ZNF347: variants seen among roughly 807,000 people sequenced by gnomAD.
ZNF347 encodes CTD-2620I22.7.
Under a neutral mutation model 12.9 loss-of-function variants are expected in ZNF347, and 19 were observed. The observed-to-expected ratio is 1.47, with a 90% confidence interval of 1.03 to 2.16. ZNF347 has a LOEUF of 2.16. Among genes scored for constraint, ZNF347 ranks in the 30% most tolerant of loss-of-function variants. ZNF347 has a pLI of 0.00. For missense variants in ZNF347, 1,005 were observed against 990.6 expected (o/e 1.01, Z -0.19); for synonymous variants, 328 against 340.6 (o/e 0.96, Z 0.41).
rs1406905883 is a variant in ZNF347, at chr19:53,136,126, G to C, written c.*4182C>G. ...GATGCTGGTTAACCTCCACACGCTT[G>C]ATTTTCAAGCATCTGATCTTTGATA... On this transcript the variant is annotated 3_prime_UTR_variant, in exon 5 of 5. Coordinates refer to ENST00000334197, the MANE Select transcript of ZNF347 (RefSeq NM_032584.3). 2 of 150,862 alleles carry C rather than the reference G, an allele frequency of 1.3e-5. No homozygotes were observed. Among genetic ancestry groups the C allele is most frequent in the South Asian group, 2.1e-4 (1 of 4,748 alleles). 9.3% of individuals were successfully genotyped at this position (150,862 alleles called of 1,614,324 possible). A position where few individuals can be genotyped will look rare whatever the true frequency, so the allele number is the denominator to read the frequency against.
intron 4 of ZNF347, among the ~76,000 whole-genome samples, chr19:53,147,697 A>G (rs1007468642): frequency 2.6e-5 from 4 of 152,128 alleles, no homozygotes; most frequent in African/African-American, 9.7e-5. Context: ...CCTGATACCA[A>G]AAAGCAGACA....
At chr19:53,158,259 A>G (rs1046086625) in intron 1 of ZNF347, among the ~76,000 whole-genome samples, 7 of 151,880 alleles carry the variant, frequency 4.6e-5, no homozygotes, top group Non-Finnish European at 7.4e-5. Context: ...CGGCACGAGG[A>G]GGAGGGAGGT....
At chr19:53,147,752 G>A (rs1374180869) in intron 4 of ZNF347, among the ~76,000 whole-genome samples, 1 of 152,014 alleles carries the variant, frequency 6.6e-6, no homozygotes, top group Non-Finnish European at 1.5e-5. Flanking sequence ...TACCCCTGAT[G>A]AATATACATG....
rs767414767 is a variant in ZNF347, at chr19:53,140,397, T to C, written c.2431A>G (p.Ile811Val). The stretch of plus-strand genomic sequence containing the variant: ...TTGTAAGGTTTCCCACCAGTATGGA[T>C]TGTCTGATGGGTAGTTAGGCTTGAA... ...ICSSLTTHQT[I>V]HTGGKPYKCN... The change falls in exon 5 of 5, where the codon ATC becomes GTC. Residue 811 changes from isoleucine (I) to valine (V), a missense_variant. Coordinates refer to ENST00000334197, the MANE Select transcript of ZNF347 (RefSeq NM_032584.3). 1.9e-6 allele frequency: 3 copies of C among 1,612,972 alleles called. No individual in the cohort carries two copies. Among genetic ancestry groups the C allele is most frequent in the South Asian group, 2.2e-5 (2 of 90,948 alleles).
intron 1 of ZNF347, among the ~76,000 whole-genome samples, chr19:53,155,294 C>CTGTGTG (rs61275588): frequency 0.043 from 6,069 of 141,778 alleles, 139 homozygotes; most frequent in African/African-American, 0.076. Context: ...AGACTTTATT[C>CTGTGTG]TGTGTGTGTG....
intron 4 of ZNF347, among the ~76,000 whole-genome samples, chr19:53,145,163 C>T (rs550340856): frequency 7.9e-5 from 12 of 151,748 alleles, no homozygotes; most frequent in East Asian, 2.0e-4. Flanking sequence ...TGGTGGCACA[C>T]GCCTATAATC....
chr19:53,145,881 A>G (rs2090459537), intron 4 of ZNF347, among the ~76,000 whole-genome samples: 1 of 152,162 alleles, frequency 6.6e-6, no homozygotes, highest in African/African-American at 2.4e-5. Context: ...CAAAAGTAGT[A>G]GAGGGAAAGG....
chr19:53,139,415 C>T lies in ZNF347; in HGVS notation c.*893G>A, dbSNP rs1420658253. ...ACTGTGGTTCTTTCCCAGATAGGCA[C>T]CACGAAAGGTGCTTAAGGATGCAAA... On this transcript the variant is annotated 3_prime_UTR_variant, in exon 5 of 5. Coordinates refer to ENST00000334197, the MANE Select transcript of ZNF347 (RefSeq NM_032584.3). 6.6e-6 allele frequency: 1 copy of T among 152,114 alleles called. No individual in the cohort carries two copies. Among genetic ancestry groups the T allele is most frequent in the Non-Finnish European group, 1.5e-5 (1 of 68,016 alleles). The allele number at this position is 152,114 out of a possible 1,614,324, so 9.4% of individuals were successfully genotyped here. A position where few individuals can be genotyped will look rare whatever the true frequency, so the allele number is the denominator to read the frequency against.
intron 1 of ZNF347, among the ~76,000 whole-genome samples, chr19:53,154,403 C>T (rs1329245442): frequency 6.6e-6 from 1 of 151,970 alleles, no homozygotes; most frequent in African/African-American, 2.4e-5. Context: ...GATGCTGGAT[C>T]TAGAGTTCAC....
intron 2 of ZNF347, among the ~76,000 whole-genome samples, chr19:53,150,971 C>T (rs996603010): frequency 1.3e-5 from 2 of 152,194 alleles, no homozygotes; most frequent in African/African-American, 4.8e-5. Flanking sequence ...AACTCCTGAC[C>T]TCAGATGATC....
intron 2 of ZNF347, among the ~76,000 whole-genome samples, chr19:53,153,483 G>C (rs377572225): frequency 6.6e-6 from 1 of 151,998 alleles, no homozygotes. Flanking sequence ...CCCTCACCCC[G>C]TCTCCATCCA....
chr19:53,150,751 T>A (rs1386571399), intron 2 of ZNF347, among the ~76,000 whole-genome samples: 2 of 152,188 alleles, frequency 1.3e-5, no homozygotes, highest in Non-Finnish European at 2.9e-5. Context: ...CTTACTTACT[T>A]ATTTTTTTGA....
chr19:53,149,171 G>GGA, intron 3 of ZNF347, 70 bp downstream of exon 3: 1 of 1,591,596 alleles, frequency 6.3e-7, no homozygotes, highest in South Asian at 1.1e-5. Context: ...TGAGCTCCCA[G>GGA]GAGAGCCACA....
At position 53,140,156 on chromosome 19, in the gene ZNF347, T is replaced by TC; in HGVS notation, c.*151dup. 1 of 743,446 alleles carries TC rather than the reference T, an allele frequency of 1.3e-6. No homozygotes were observed. The allele number at this position is 743,446 out of a possible 1,614,324, so 46.1% of individuals were successfully genotyped here. On this transcript the variant is annotated 3_prime_UTR_variant, in exon 5 of 5. Coordinates refer to ENST00000334197, the MANE Select transcript of ZNF347 (RefSeq NM_032584.3). Reference sequence around the variant, plus strand: ...CTCAGGTGATCCACCTGCCTCGGACTCCCAAAGTGTTGGGATTACAGGCAT... The same window carrying TC: ...CTCAGGTGATCCACCTGCCTCGGACTCCCCAAAGTGTTGGGATTACAGGCAT...
At chr19:53,148,958 A>G in intron 3 of ZNF347, 149 bp from the exon 4 acceptor site, 1 of 1,188,670 alleles carries the variant, frequency 8.4e-7, no homozygotes, top group South Asian at 1.6e-5. Flanking sequence ...AATTGTTAGG[A>G]AACACTATAA....
chr19:53,155,289 T>G (rs2090524840), intron 1 of ZNF347, among the ~76,000 whole-genome samples: 1 of 133,580 alleles, frequency 7.5e-6, no homozygotes, highest in African/African-American at 3.0e-5. Context: ...AAAAAAGACT[T>G]TATTCTGTGT....
chr19:53,142,021 G>A lies in ZNF347; in HGVS notation c.807C>T (p.Val269=), dbSNP rs1447128712. Residue 269 remains valine (V), a synonymous_variant, in exon 5 of 5, where the codon GTC becomes GTT. Transcript: ENST00000334197. ...SPYKSNGCGM[V]FPQNSHLASH... ...TTGCAAGGTGTGAATTTTGAGGAAA[G>A]ACCATGCCACATCCATTAGATTTGT... The A allele has an allele frequency of 6.2e-7, 1 of 1,613,956 alleles. No individual in the cohort carries two copies. The highest frequency in any genetic ancestry group is 8.5e-7 in the Non-Finnish European group (1 of 1,179,992).
chr19:53,149,157 T>A (rs943449142), intron 3 of ZNF347, 84 bp downstream of exon 3: 85 of 1,579,392 alleles, frequency 5.4e-5, no homozygotes, highest in Non-Finnish European at 7.0e-5. Context: ...AGCCAAGCAA[T>A]GCATGAGCTC....
chr19:53,149,094 C>G, intron 3 of ZNF347, 147 bp downstream of exon 3: 1 of 1,473,446 alleles, frequency 6.8e-7, no homozygotes, highest in Admixed American at 2.5e-5. Flanking sequence ...AATTAAAATC[C>G]AGTTTCCACA....
Sources: allele counts gnomAD v4.1 joint callset (sites outside exome capture counted in the v4.1 genomes callset), GRCh38; gene constraint gnomAD v4.1.1; transcripts MANE v1.5; gene names NCBI Gene and HGNC (gene_info 2026-07-23, HGNC 2026-07-21).